The following KDM6A variants were observed in gnomAD, a reference collection of about 807,000 sequenced individuals.
KDM6A encodes lysine-specific demethylase 6A.
In KDM6A, 11 loss-of-function variants were observed where a neutral mutation model predicts 117.6. The ratio of observed to expected loss-of-function variants is 0.09; its 90% CI spans 0.06 to 0.15. The LOEUF is 0.15. Ranked by LOEUF, KDM6A falls within the 10% of genes least tolerant of loss-of-function variation. The pLI is 1.00. For missense variants in KDM6A, 799 were observed against 1,077.3 expected (o/e 0.74, Z 3.62); for synonymous variants, 384 against 396.1 (o/e 0.97, Z 0.36).
At chrX:45,019,616 A>C (rs1275183848) in intron 5 of KDM6A, among the ~76,000 whole-genome samples, 2 of 111,830 alleles carry the variant, frequency 1.8e-5, no homozygotes, top group Non-Finnish European at 3.8e-5. Flanking sequence ...TAGCCACTTT[A>C]AGGTCTGTAG....
At chrX:44,890,806 C>T (rs1429018127) in intron 2 of KDM6A, among the ~76,000 whole-genome samples, 4 of 107,759 alleles carry the variant, frequency 3.7e-5, no homozygotes, top group Non-Finnish European at 7.7e-5. Flanking sequence ...AGGCGCCCGC[C>T]ACTACGCACA....
At chrX:45,012,658 T>A (rs2041817348) in intron 5 of KDM6A, among the ~76,000 whole-genome samples, 1 of 111,713 alleles carries the variant, frequency 9.0e-6, no homozygotes, top group Non-Finnish European at 1.9e-5. Flanking sequence ...CCCTGAATAC[T>A]TATTACAGAG....
rs770821116 is a variant in KDM6A, at chrX:45,111,817, G to T, written c.*406G>T. The T allele has an allele frequency of 5.5e-6, 1 of 181,211 alleles. No individual in the cohort carries two copies. The highest frequency in any genetic ancestry group is 1.0e-5 in the Non-Finnish European group (1 of 95,837). 14.9% of individuals were successfully genotyped at this position (181,211 alleles called of 1,213,427 possible). On this transcript the variant is annotated 3_prime_UTR_variant, in exon 30 of 30. Coordinates refer to ENST00000611820, the MANE Select transcript of KDM6A (RefSeq NM_001291415.2). Reference sequence around the variant, plus strand: ...TAGCTGGTCATTTCTTTGTAAGGTAGTTAGCAATTTTAAGTCTTTCTTTGG... The same window carrying T: ...TAGCTGGTCATTTCTTTGTAAGGTATTTAGCAATTTTAAGTCTTTCTTTGG...
intron 12 of KDM6A, 93 bp from the exon 13 acceptor site, chrX:45,059,929 A>C: frequency 8.8e-7 from 1 of 1,133,959 alleles, no homozygotes; most frequent in Non-Finnish European, 1.2e-6. Flanking sequence ...TTCTTTTAAA[A>C]ACAATTAGCT....
At chrX:45,009,710 G>A (rs1017306715) in intron 4 of KDM6A, among the ~76,000 whole-genome samples, 2 of 111,426 alleles carry the variant, frequency 1.8e-5, no homozygotes, top group African/African-American at 6.5e-5. Flanking sequence ...AATTACCCTA[G>A]TTCCTTCATA....
chrX:45,110,401 C>T (rs1224285651), intron 29 of KDM6A, 152 bp downstream of exon 29: 1 of 489,852 alleles, frequency 2.0e-6, no homozygotes, highest in South Asian at 3.1e-5. Flanking sequence ...ATCATTCCCC[C>T]CTCCATTTCC....
At chrX:45,005,969 A>T (rs78686222) in intron 4 of KDM6A, among the ~76,000 whole-genome samples, 2 of 13,601 alleles carry the variant, frequency 1.5e-4, no homozygotes, top group African/African-American at 2.3e-4. Flanking sequence ...CCACCCCCCC[A>T]CCCCCCCCAC....
At chrX:44,973,088 C>G (rs1177209638) in intron 3 of KDM6A, among the ~76,000 whole-genome samples, 1 of 110,437 alleles carries the variant, frequency 9.1e-6, no homozygotes. Context: ...GGAGCCTTCA[C>G]ATCATCTATT....
In KDM6A at chrX:45,069,622, G is replaced by T. The variant is rs2148035115; in HGVS notation, c.2123G>T (p.Gly708Val). 1 of 1,210,678 alleles carries T rather than the reference G, an allele frequency of 8.3e-7. No homozygotes were observed. The highest frequency in any genetic ancestry group is 1.1e-6 in the Non-Finnish European group (1 of 894,889). ...AGTTCACATTCGGCAGGTCCTAATG[G>T]TGAACGACCTCTCTCTTCCACTGGG... ...GQSSHSAGPN[G>V]ERPLSSTGPS... is the part of the protein sequence containing the mutation. The change falls in exon 18 of 30, where the codon GGT becomes GTT. Residue 708 changes from glycine to valine, a missense_variant. This residue lies in a region of KDM6A where 301 missense variants were observed against 318.3 expected (regional missense o/e 0.95). Coordinates refer to ENST00000611820, the MANE Select transcript of KDM6A (RefSeq NM_001291415.2).
chrX:45,007,601 C>T (rs1171536188), intron 4 of KDM6A, among the ~76,000 whole-genome samples: 1 of 111,579 alleles, frequency 9.0e-6, no homozygotes, highest in Non-Finnish European at 1.9e-5. Context: ...TCCCCTTGTA[C>T]TGGGTGATTG....
intron 4 of KDM6A, among the ~76,000 whole-genome samples, chrX:45,000,324 G>C (rs2041074128): frequency 8.9e-6 from 1 of 112,026 alleles, no homozygotes. Context: ...AATTGATCTG[G>C]TATTCCCCGT....
Position 45,090,876 on chromosome X carries a change from C to G in KDM6A, c.4034+12C>G, listed in dbSNP as rs2045865209. 2 of 1,202,986 alleles carry G rather than the reference C, an allele frequency of 1.7e-6. No homozygotes were observed. On this transcript the variant is annotated intron_variant, in intron 27 of 29. Coordinates refer to ENST00000611820, the MANE Select transcript of KDM6A (RefSeq NM_001291415.2). ...TTTGAAATGATTAAGTAAGTCTTTT[C>G]TAAAACTGCTGTAGTCCCTCTCTTT...
chrX:44,922,887 T>A (rs985785577), intron 2 of KDM6A, among the ~76,000 whole-genome samples: 1 of 108,092 alleles, frequency 9.3e-6, no homozygotes, highest in Non-Finnish European at 1.9e-5. Flanking sequence ...TATGTAGATT[T>A]AAATTTGCCT....
intron 2 of KDM6A, among the ~76,000 whole-genome samples, chrX:44,924,268 A>C (rs1396627652): frequency 9.0e-6 from 1 of 111,559 alleles, no homozygotes; most frequent in Non-Finnish European, 1.9e-5. Flanking sequence ...TTTGTCTTTG[A>C]TTCCTGGTAC....
At chrX:44,965,923 A>G (rs1170998458) in intron 3 of KDM6A, among the ~76,000 whole-genome samples, 4 of 111,402 alleles carry the variant, frequency 3.6e-5, no homozygotes, top group African/African-American at 6.5e-5. Context: ...GTAGAATTCT[A>G]TGCAATCTGC....
At chrX:44,911,499 T>C (rs1426063205) in intron 2 of KDM6A, among the ~76,000 whole-genome samples, 1 of 103,202 alleles carries the variant, frequency 9.7e-6, no homozygotes, top group Admixed American at 1.0e-4. Context: ...CCTCACTTCC[T>C]GGACGGGATG....
chrX:44,911,712 GC>G (rs2035187552), intron 2 of KDM6A, among the ~76,000 whole-genome samples: 1 of 111,573 alleles, frequency 9.0e-6, no homozygotes, highest in Non-Finnish European at 1.9e-5. Context: ...CCGAGATCAC[GC>G]CACTGCACTC....
intron 2 of KDM6A, among the ~76,000 whole-genome samples, chrX:44,890,336 T>G (rs2033237806): frequency 8.9e-6 from 1 of 112,542 alleles, no homozygotes; most frequent in Non-Finnish European, 1.9e-5. Context: ...TTTTTGGCTG[T>G]TGTGAATAAA....
At chrX:45,031,234 G>A (rs1421559598) in intron 6 of KDM6A, among the ~76,000 whole-genome samples, 1 of 111,491 alleles carries the variant, frequency 9.0e-6, no homozygotes, top group African/African-American at 3.3e-5. Context: ...TGTCTTTCCT[G>A]TGTATTCTCA....
Sources: gnomAD v4.1 joint callset for allele counts (sites outside exome capture counted in the v4.1 genomes callset) on GRCh38, gnomAD v4.1.1 for gene constraint, gnomAD v4.1.1 regional missense constraint, MANE v1.5 for transcripts, NCBI Gene and HGNC (gene_info 2026-07-23, HGNC 2026-07-21) for gene names.